Variants in GRM8 observed in about 807,000 individuals in gnomAD.
GRM8 encodes glutamate metabotropic receptor 8.
In GRM8, 47 loss-of-function variants were observed where a neutral mutation model predicts 87.2. That is an observed-to-expected ratio of 0.54 (90% confidence interval 0.43 to 0.69). The LOEUF (loss-of-function observed/expected upper bound fraction) is 0.69. Among genes scored for constraint, GRM8 ranks in the 30% least tolerant of loss-of-function variants. GRM8 has a pLI of 0.00. For missense variants in GRM8, 1,019 were observed against 1,139.2 expected (o/e 0.89, Z 1.52); for synonymous variants, 396 against 404.5 (o/e 0.98, Z 0.25).
At chr7:126,864,501 T>C (rs556415240) in intron 6 of GRM8, among the ~76,000 whole-genome samples, 109 of 152,318 alleles carry the variant, frequency 7.2e-4, no homozygotes, top group African/African-American at 2.6e-3. Context: ...TCCAATCTAT[T>C]GATAATTTTA....
chr7:126,519,796 T>C (rs137874728), intron 9 of GRM8, among the ~76,000 whole-genome samples: 104 of 152,252 alleles, frequency 6.8e-4, no homozygotes, highest in African/African-American at 2.5e-3. Flanking sequence ...TAGCAATTTT[T>C]TTCTAAAATA....
At chr7:127,249,824 CCAGT>C (rs1798766580) in intron 1 of GRM8, among the ~76,000 whole-genome samples, 1 of 152,136 alleles carries the variant, frequency 6.6e-6, no homozygotes, top group Non-Finnish European at 1.5e-5. Flanking sequence ...CTGGGGATGC[CCAGT>C]CAGAGTCTAT....
chr7:127,242,671 C>A, intron 2 of GRM8, 24 bp downstream of exon 2: 1 of 1,596,308 alleles, frequency 6.3e-7, no homozygotes, highest in Non-Finnish European at 8.6e-7. Flanking sequence ...TCACAATGGT[C>A]AGAAAGACAA....
chr7:126,446,186 CT>C lies in GRM8; in HGVS notation c.2616del (p.Gly873GlufsTer9). 1 of 1,613,052 alleles carries C rather than the reference CT, an allele frequency of 6.2e-7. No individual in the cohort carries two copies. The highest frequency in any genetic ancestry group is 2.2e-5 in the East Asian group (1 of 44,806). Reference protein sequence around the residue: ...AATMQSKLIQKGNDRPNGEVK... With the variant: ...AATMQSKLIQXGNDRPNGEVK... ...ACCTCGCCATTTGGTCTGTCATTTCCTTTTTGGATCAGTTTGCTTTGCATGG... is the reference window on the plus strand; with the variant it reads ...ACCTCGCCATTTGGTCTGTCATTTCCTTTTGGATCAGTTTGCTTTGCATGG... On this transcript the variant is annotated frameshift_variant, in exon 10 of 11. Transcript: ENST00000339582. LOFTEE classifies it high-confidence loss of function.
At chr7:127,149,882 G>C (rs17865314) in intron 2 of GRM8, among the ~76,000 whole-genome samples, 16,791 of 151,944 alleles carry the variant, frequency 0.11, 3,008 homozygotes, top group African/African-American at 0.37. Context: ...ATGGGGTCAG[G>C]GTGGGGGAAT....
At position 126,516,450 on chromosome 7, in the gene GRM8, G is replaced by A. The variant is rs375556324; in HGVS notation, c.2430+16502C>T. Among the ~76,000 whole-genome samples the A allele has an allele frequency of 2.3e-4, 35 of 152,182 alleles. 1 individual carries two copies. The Middle Eastern group carries it at 0.01, about 44-fold the overall frequency. On this transcript the variant is annotated intron_variant, in intron 9 of 10. Coordinates refer to ENST00000339582, the MANE Select transcript of GRM8 (RefSeq NM_000845.3). ...TACAACTGCAGTTGATGTTGGAATG[G>A]TTTCAAATAGAAGCAGAAGGTATTT...
chr7:127,222,089 C>T (rs990329420), intron 2 of GRM8, among the ~76,000 whole-genome samples: 1 of 152,154 alleles, frequency 6.6e-6, no homozygotes, highest in Admixed American at 6.5e-5. Context: ...ATCTCTTAAA[C>T]AGAGAATGAG....
At chr7:126,942,164 A>T (rs1345782269) in intron 3 of GRM8, among the ~76,000 whole-genome samples, 1 of 152,162 alleles carries the variant, frequency 6.6e-6, no homozygotes, top group Admixed American at 6.5e-5. Flanking sequence ...AAGCATCTAC[A>T]CTCCCAATAA....
intron 3 of GRM8, among the ~76,000 whole-genome samples, chr7:127,012,901 C>G (rs1379436297): frequency 6.6e-6 from 1 of 152,126 alleles, no homozygotes; most frequent in East Asian, 1.9e-4. Flanking sequence ...GTATTAGCAT[C>G]TTATTGTTTA....
intron 9 of GRM8, among the ~76,000 whole-genome samples, chr7:126,453,813 T>C (rs540136844): frequency 6.6e-6 from 1 of 151,924 alleles, no homozygotes; most frequent in South Asian, 2.1e-4. Context: ...ATGAGAATTA[T>C]TTACAGAAAT....
At chr7:126,819,881 A>T (rs1794145531) in intron 6 of GRM8, among the ~76,000 whole-genome samples, 1 of 18,522 alleles carries the variant, frequency 5.4e-5, no homozygotes, top group Non-Finnish European at 1.2e-4. Flanking sequence ...TTTTTCAATT[A>T]AAAAAAAATT....
chr7:127,217,672 C>A (rs1326157629), intron 2 of GRM8, among the ~76,000 whole-genome samples: 1 of 152,180 alleles, frequency 6.6e-6, no homozygotes, highest in East Asian at 1.9e-4. Context: ...CATATCCCTT[C>A]CATCTCTGCA....
At chr7:126,701,891 G>T (rs1207654620) in intron 7 of GRM8, 2 of 559,932 alleles carry the variant, frequency 3.6e-6, no homozygotes, top group African/African-American at 1.9e-5. Context: ...TGCCTGGTTT[G>T]CTTTAGACAG....
intron 7 of GRM8, among the ~76,000 whole-genome samples, chr7:126,686,397 AG>A (rs745511337): frequency 2.0e-5 from 3 of 152,158 alleles, no homozygotes; most frequent in Non-Finnish European, 4.4e-5. Flanking sequence ...GGTGAAGAGA[AG>A]GAGAGAAAAG....
At chr7:126,983,880 G>A (rs528210614) in intron 3 of GRM8, among the ~76,000 whole-genome samples, 1 of 152,182 alleles carries the variant, frequency 6.6e-6, no homozygotes, top group African/African-American at 2.4e-5. Context: ...GAATGGGTAG[G>A]AGAAGAGTGT....
chr7:126,457,374 T>C (rs1803379108), intron 9 of GRM8, among the ~76,000 whole-genome samples: 1 of 151,384 alleles, frequency 6.6e-6, no homozygotes, highest in Non-Finnish European at 1.5e-5. Context: ...AAAGAGACAC[T>C]GGACAATAAT....
intron 8 of GRM8, among the ~76,000 whole-genome samples, chr7:126,534,695 G>A (rs965751296): frequency 3.9e-5 from 6 of 152,164 alleles, no homozygotes; most frequent in Admixed American, 6.5e-5. Flanking sequence ...CAAGCAGTTC[G>A]TGAAAGAGAC....
At chr7:127,102,111 CAGA>C (rs1360240175) in intron 3 of GRM8, among the ~76,000 whole-genome samples, 1 of 152,128 alleles carries the variant, frequency 6.6e-6, no homozygotes, top group African/African-American at 2.4e-5. Context: ...GGGTATACAG[CAGA>C]AGAAATTTCT....
intron 3 of GRM8, among the ~76,000 whole-genome samples, chr7:126,940,951 G>A (rs1806856134): frequency 6.6e-6 from 1 of 152,192 alleles, no homozygotes; most frequent in Admixed American, 6.5e-5. Flanking sequence ...CCCCTTTCTA[G>A]CTATCTGTTT....
Sources: gnomAD v4.1 joint callset for allele counts (sites outside exome capture counted in the v4.1 genomes callset) on GRCh38, gnomAD v4.1.1 for gene constraint, MANE v1.5 for transcripts, NCBI Gene and HGNC (gene_info 2026-07-23, HGNC 2026-07-21) for gene names.